Variants in ZBED6 observed in about 807,000 individuals in gnomAD.
The protein encoded by ZBED6 is zinc finger BED domain-containing protein 6.
Under a neutral mutation model 58.4 loss-of-function variants are expected in ZBED6, and 40 were observed. The ratio of observed to expected loss-of-function variants is 0.68; its 90% CI spans 0.53 to 0.89. The LOEUF (loss-of-function observed/expected upper bound fraction) is 0.89, where lower values mean the gene tolerates loss of function less well. ZBED6 is among the 40% of genes least tolerant of loss of function. ZBED6 has a pLI of 0.00. For synonymous variants in ZBED6, 439 were observed against 350.6 expected (o/e 1.25, Z -2.82); for missense variants, 1,057 against 1,003.9 (o/e 1.05, Z -0.71).
intron 11 of ZBED6, among the ~76,000 whole-genome samples, chr1:203,843,923 T>C (rs2103329817): frequency 6.6e-6 from 1 of 152,288 alleles, no homozygotes; most frequent in African/African-American, 2.4e-5. Flanking sequence ...AATGGTGCGA[T>C]CTCGGCTCAC....
At chr1:203,852,103 A>T in intron 16 of ZBED6, 38 bp from the exon 17 acceptor site, 1 of 1,611,160 alleles carries the variant, frequency 6.2e-7, no homozygotes, top group Non-Finnish European at 8.5e-7. Context: ...AACTATTTTT[A>T]AAACGGCAGT....
At chr1:203,840,206 T>G in intron 10 of ZBED6, 100 bp from the exon 11 acceptor site, 1 of 1,178,030 alleles carries the variant, frequency 8.5e-7, no homozygotes, top group Non-Finnish European at 1.2e-6. Flanking sequence ...CCCAAAGTTC[T>G]GGGATTACAG....
chr1:203,816,567 G>A (rs1176917702), intron 1 of ZBED6, among the ~76,000 whole-genome samples: 1 of 152,142 alleles, frequency 6.6e-6, no homozygotes, highest in Non-Finnish European at 1.5e-5. Flanking sequence ...GGAGTTCAGT[G>A]TTGCTGTGAG....
exon 1 of ZBED6, chr1:203,798,055 C>T (rs1011700985): frequency 6.5e-7 from 1 of 1,535,466 alleles, no homozygotes; most frequent in Non-Finnish European, 8.7e-7. Context: ...CATCTGCAAG[C>T]AAGGCATTCA....
At chr1:203,850,347 G>T in intron 14 of ZBED6, 168 bp from the exon 15 acceptor site, 1 of 969,610 alleles carries the variant, frequency 1.0e-6, no homozygotes, top group Non-Finnish European at 1.6e-6. Flanking sequence ...CACCTGTAGT[G>T]ACCACCATGT....
chr1:203,847,972 C>T (rs1259377627), intron 12 of ZBED6, among the ~76,000 whole-genome samples: 1 of 152,170 alleles, frequency 6.6e-6, no homozygotes, highest in Non-Finnish European at 1.5e-5. Flanking sequence ...TCTCCTGCCT[C>T]AGCCTCCCAA....
At chr1:203,808,312 C>G (rs895548865) in intron 1 of ZBED6, among the ~76,000 whole-genome samples, 1 of 152,234 alleles carries the variant, frequency 6.6e-6, no homozygotes, top group Non-Finnish European at 1.5e-5. Context: ...CTAATAATGT[C>G]AAGTCTGATT....
rs1254778261 is a variant in ZBED6 at position 203,817,075 on chromosome 1, C to A, written c.*2704C>A. The A allele has an allele frequency of 9.9e-6, 16 of 1,608,290 alleles. No homozygotes were observed. The highest frequency in any genetic ancestry group is 3.5e-4 in the Middle Eastern group (2 of 5,728). ...TGATCTAAGAATCTACCCAGCATGC[C>A]TAATCAAGGAGAAGACTGCTATTTT... is the stretch of plus-strand genomic sequence containing the variant. On this transcript the variant is annotated 3_prime_UTR_variant, in exon 2 of 17. Coordinates refer to ENST00000550078, the Ensembl canonical transcript of ZBED6.
intron 9 of ZBED6, among the ~76,000 whole-genome samples, chr1:203,834,444 G>A (rs911617218): frequency 2.0e-5 from 3 of 151,702 alleles, no homozygotes; most frequent in Non-Finnish European, 4.4e-5. Context: ...GCTAATTTTT[G>A]TATTTTTTAT....
At chr1:203,840,674 C>T (rs1343348082) in intron 11 of ZBED6, among the ~76,000 whole-genome samples, 1 of 151,150 alleles carries the variant, frequency 6.6e-6, no homozygotes, top group Non-Finnish European at 1.5e-5. Flanking sequence ...GCTCTTGTTG[C>T]CCAGGCTGGA....
intron 11 of ZBED6, among the ~76,000 whole-genome samples, chr1:203,842,200 CG>C (rs1686568821): frequency 6.6e-6 from 1 of 152,028 alleles, no homozygotes; most frequent in South Asian, 2.1e-4. Context: ...GACGGGGTGG[CG>C]GCCGGGCAGA....
chr1:203,799,763 G>C, exon 1 of ZBED6: 3 of 928,418 alleles, frequency 3.2e-6, no homozygotes, highest in South Asian at 2.8e-5. Flanking sequence ...GTTTATCTCT[G>C]AAACTTGAAA....
chr1:203,809,495 G>C (rs924260310), intron 1 of ZBED6, among the ~76,000 whole-genome samples: 1 of 151,976 alleles, frequency 6.6e-6, no homozygotes, highest in Admixed American at 6.6e-5. Flanking sequence ...TTTCATAGTG[G>C]TATGTTCATT....
intron 1 of ZBED6, among the ~76,000 whole-genome samples, chr1:203,809,257 C>G (rs910288854): frequency 7.5e-6 from 1 of 132,556 alleles, no homozygotes; most frequent in Non-Finnish European, 1.5e-5. Flanking sequence ...CTCACTGCAA[C>G]CTCCGCCTCC....
intron 4 of ZBED6, chr1:203,829,159 T>C: frequency 2.5e-6 from 1 of 399,364 alleles, no homozygotes. Flanking sequence ...AGAATTGCAG[T>C]ATTAAAATTA....
chr1:203,798,501 G>A, exon 1 of ZBED6: 1 of 1,536,128 alleles, frequency 6.5e-7, no homozygotes, highest in Non-Finnish European at 8.7e-7. Context: ...AGACAGTGGT[G>A]CTGTTGCAAA....
rs578077814 is a variant in ZBED6 at position 203,795,785 on chromosome 1, C to A, written c.-1738C>A. On this transcript the variant is annotated 5_prime_UTR_variant, in exon 1 of 17. The change creates a new upstream start codon in the 5' untranslated region. Transcript: ENST00000550078. ...TAGTGTCATCGGTTCGGTAAAGTTT[C>A]TGTTCTCTGGTAACTAGACCCGTTT... 9.0e-4 allele frequency: 137 copies of A among 152,248 alleles called. No individual in the cohort carries two copies. Among genetic ancestry groups the A allele is most frequent in the African/African-American group, 3.0e-3 (124 of 41,548 alleles). The allele number at this position is 152,248 out of a possible 1,614,324, so 9.4% of individuals were successfully genotyped here. A position where few individuals can be genotyped will look rare whatever the true frequency, so the allele number is the denominator to read the frequency against.
At chr1:203,797,457 T>C in exon 1 of ZBED6, 1 of 1,383,700 alleles carries the variant, frequency 7.2e-7, no homozygotes, top group Non-Finnish European at 9.5e-7. Flanking sequence ...GAGGAACAGC[T>C]GTATTTCTGC....
intron 3 of ZBED6, among the ~76,000 whole-genome samples, chr1:203,824,954 A>G (rs867078809): frequency 4.1e-4 from 62 of 151,588 alleles, no homozygotes; most frequent in African/African-American, 1.5e-3. Context: ...ACACGTGCCT[A>G]TAATCCCAGC....
Sources: gnomAD v4.1 joint callset for allele counts (sites outside exome capture counted in the v4.1 genomes callset) on GRCh38, gnomAD v4.1.1 for gene constraint, MANE v1.5 for transcripts, NCBI Gene and HGNC (gene_info 2026-07-23, HGNC 2026-07-21) for gene names.